The following DHCR7 variants were observed in gnomAD, a reference collection of about 807,000 sequenced individuals.
The protein encoded by DHCR7 is 7-dehydrocholesterol reductase.
DHCR7 carries 40 observed loss-of-function variants against 43.3 expected under a neutral mutation model. The observed-to-expected ratio is 0.92, with a 90% CI of 0.72 to 1.20. The LOEUF (loss-of-function observed/expected upper bound fraction) is 1.20, where lower values mean the gene tolerates loss of function less well. Among genes scored for constraint, DHCR7 ranks in the 50% most tolerant of loss-of-function variants. DHCR7 has a pLI of 0.00. For synonymous variants in DHCR7, 298 were observed against 271.4 expected (o/e 1.10, Z -0.96); for missense variants, 608 against 644.6 (o/e 0.94, Z 0.62).
chr11:71,435,510 G>A lies in DHCR7; in HGVS notation c.1293C>T (p.Phe431=), dbSNP rs771506862. The change falls in exon 9 of 9, where the codon TTC becomes TTT. Residue 431 remains phenylalanine (F), a synonymous_variant. Coordinates refer to ENST00000355527, the MANE Select transcript of DHCR7 (RefSeq NM_001360.3). ...GCAGGATGGCCATGTAGATGATGTA[G>A]AAGTAGGGCAGCAGGTGGCCGCCGC... ...ACGGGHLLPY[F]YIIYMAILLT... The A allele has an allele frequency of 6.2e-7, 1 of 1,611,782 alleles. No individual in the cohort carries two copies. The highest frequency in any genetic ancestry group is 8.5e-7 in the Non-Finnish European group (1 of 1,179,706).
chr11:71,444,848 T>A lies in DHCR7; in HGVS notation c.98+7A>T, dbSNP rs759435837. The A allele has an allele frequency of 6.2e-7, 1 of 1,613,014 alleles. No individual in the cohort carries two copies. The highest frequency in any genetic ancestry group is 8.5e-7 in the Non-Finnish European group (1 of 1,178,972). ...TTTCTAGCTGGGAGAACAGGCAAGA[T>A]CCTTACCAGGCACGGCCCCACTGCC... On this transcript the variant is annotated splice_region_variant and intron_variant, in intron 3 of 8. Transcript: ENST00000355527.
downstream of DHCR7, chr11:71,434,323 G>A (rs1949247637): frequency 6.6e-6 from 1 of 152,254 alleles, no homozygotes; most frequent in Non-Finnish European, 1.5e-5. Context: ...TCTCATACCA[G>A]AAACAGAGCC....
At chr11:71,438,793 A>G (rs1466075395) in intron 7 of DHCR7, 86 bp downstream of exon 7, 2 of 1,385,458 alleles carry the variant, frequency 1.4e-6, no homozygotes, top group Admixed American at 3.5e-5. Context: ...GCAGTAGATT[A>G]AGGTCATGGG....
In DHCR7 at chr11:71,441,275, G is replaced by A; in HGVS notation, c.578C>T (p.Thr193Ile). The change falls in exon 6 of 9, where the codon ACC becomes ATC. Residue 193 changes from threonine (T) to isoleucine (I), a missense_variant. By Grantham distance (89) the Thr-to-Ile change is moderately conservative (BLOSUM62 -1). Transcript: ENST00000355527. ...GAAGTAGCCCTTGACCATGGCGAAG[G>A]TGGAGACGGCATAGCCAAGGATGTT... ...CANILGYAVS[T>I]FAMVKGYFFP... is the part of the protein sequence containing the mutation. 1.2e-6 allele frequency: 2 copies of A among 1,614,248 alleles called. No individual in the cohort carries two copies. Among genetic ancestry groups the A allele is most frequent in the Non-Finnish European group, 1.7e-6 (2 of 1,180,052 alleles).
chr11:71,438,026 TGCA>T, intron 7 of DHCR7, 83 bp from the exon 8 acceptor site: 6 of 1,529,812 alleles, frequency 3.9e-6, no homozygotes, highest in Non-Finnish European at 5.4e-6. Flanking sequence ...TCCACGCAGA[TGCA>T]GCAGGGGGTG....
chr11:71,427,969 C>G (rs1387425026), downstream of DHCR7, among the ~76,000 whole-genome samples: 3 of 152,180 alleles, frequency 2.0e-5, no homozygotes, highest in African/African-American at 7.2e-5. Context: ...AGTCTAGGCA[C>G]AGTGACCTGC....
At chr11:71,440,556 G>A (rs1456456683) in intron 6 of DHCR7, among the ~76,000 whole-genome samples, 6 of 150,338 alleles carry the variant, frequency 4.0e-5, no homozygotes, top group Non-Finnish European at 7.4e-5. Context: ...TGGGTAGGTG[G>A]ATGGGCAGAT....
chr11:71,434,894 C>T lies in DHCR7; in HGVS notation c.*481G>A. On this transcript the variant is annotated 3_prime_UTR_variant, in exon 9 of 9. Transcript: ENST00000355527. ...AGAAACGGCGCACGGGCCCCACCCACGACTGCAGAGCAGGCAGGGGAGGGG... is the reference window on the plus strand; with the variant it reads ...AGAAACGGCGCACGGGCCCCACCCATGACTGCAGAGCAGGCAGGGGAGGGG... The T allele has an allele frequency of 5.6e-6, 2 of 356,800 alleles. No individual in the cohort carries two copies. Among genetic ancestry groups the T allele is most frequent in the Middle Eastern group, 1.0e-3 (1 of 976 alleles). The allele number at this position is 356,800 out of a possible 1,614,324, so 22.1% of individuals were successfully genotyped here.
At chr11:71,437,027 G>A (rs1297106707) in intron 8 of DHCR7, among the ~76,000 whole-genome samples, 2 of 152,290 alleles carry the variant, frequency 1.3e-5, no homozygotes, top group East Asian at 1.9e-4. Flanking sequence ...CATGCGGGGG[G>A]CTCCAAGGAC....
intron 2 of DHCR7, among the ~76,000 whole-genome samples, chr11:71,445,180 C>T (rs1344441571): frequency 2.0e-5 from 3 of 152,252 alleles, no homozygotes; most frequent in African/African-American, 7.2e-5. Context: ...CTTGCTATGG[C>T]TGCTCTTGCT....
At chr11:71,440,372 A>G (rs1265098313) in intron 6 of DHCR7, among the ~76,000 whole-genome samples, 1 of 147,106 alleles carries the variant, frequency 6.8e-6, no homozygotes, top group Non-Finnish European at 1.5e-5. Flanking sequence ...CTAGATGTGT[A>G]GGTGGGTGGG....
At chr11:71,438,112 G>A (rs1162590597) in intron 7 of DHCR7, among the ~76,000 whole-genome samples, 169 bp from the exon 8 acceptor site, 1 of 152,168 alleles carries the variant, frequency 6.6e-6, no homozygotes, top group Non-Finnish European at 1.5e-5. Context: ...TTCCTGCCTG[G>A]GTCATGGGCA....
rs772491341 is a variant in DHCR7 at position 71,439,018 on chromosome 11, T to C, written c.692A>G (p.Lys231Arg). 13 of 1,614,110 alleles carry C rather than the reference T, an allele frequency of 8.1e-6. No individual in the cohort carries two copies. The East Asian group carries it at 2.5e-4, about 30-fold the overall frequency. The change falls in exon 7 of 9, where the codon AAG (lysine) becomes AGG (arginine). Residue 231 changes from lysine to arginine, a missense_variant. Lys to Arg is a conservative substitution (Grantham distance 26, BLOSUM62 2). Coordinates refer to ENST00000355527, the MANE Select transcript of DHCR7 (RefSeq NM_001360.3). ...MGIEFNPRIG[K>R]WFDFKLFFNG... Reference sequence around the variant, plus strand: ...GAAGAACAGCTTGAAGTCAAACCACTTCCCGATCCGAGGGTTAAACTCGAT... The same window carrying C: ...GAAGAACAGCTTGAAGTCAAACCACCTCCCGATCCGAGGGTTAAACTCGAT...
intron 7 of DHCR7, 58 bp downstream of exon 7, chr11:71,438,821 G>C: frequency 1.3e-6 from 2 of 1,564,256 alleles, no homozygotes; most frequent in Non-Finnish European, 1.8e-6. Context: ...TCTGGCTTGC[G>C]GGTTCCCCCA....
At chr11:71,436,689 T>C (rs1012029172) in intron 8 of DHCR7, among the ~76,000 whole-genome samples, 4 of 152,150 alleles carry the variant, frequency 2.6e-5, no homozygotes, top group African/African-American at 9.7e-5. Context: ...TGACCTTCTA[T>C]TTAAGCACAG....
At chr11:71,438,722 C>T in intron 7 of DHCR7, 157 bp downstream of exon 7, 1 of 783,712 alleles carries the variant, frequency 1.3e-6, no homozygotes, top group Non-Finnish European at 2.1e-6. Flanking sequence ...CTTCCTTCAC[C>T]AAGTGCTCGC....
At chr11:71,431,310 G>A (rs998734358), downstream of DHCR7, among the ~76,000 whole-genome samples, 3 of 152,244 alleles carry the variant, frequency 2.0e-5, no homozygotes, top group Non-Finnish European at 2.9e-5. Flanking sequence ...CAAGTTGTCA[G>A]TCCAGTCCAA....
At chr11:71,433,188 G>C (rs1292656583), downstream of DHCR7, among the ~76,000 whole-genome samples, 1 of 152,242 alleles carries the variant, frequency 6.6e-6, no homozygotes, top group Non-Finnish European at 1.5e-5. Flanking sequence ...GGCCAGGCCA[G>C]CTTCCCAGGG....
intron 6 of DHCR7, 123 bp downstream of exon 6, chr11:71,441,101 CCCT>C (rs1358000178): frequency 2.3e-5 from 20 of 879,462 alleles, no homozygotes; most frequent in Non-Finnish European, 3.5e-5. Context: ...AGTTCCATCC[CCCT>C]CCTCCTCTTC....
Sources: allele counts gnomAD v4.1 joint callset (sites outside exome capture counted in the v4.1 genomes callset), GRCh38; gene constraint gnomAD v4.1.1; transcripts MANE v1.5; gene names NCBI Gene and HGNC (gene_info 2026-07-23, HGNC 2026-07-21).